Variants in TCF4 observed in about 807,000 individuals in gnomAD.
TCF4 encodes transcription factor 4.
Under a neutral mutation model 82.1 loss-of-function variants are expected in TCF4, and 3 were observed. The observed-to-expected ratio is 0.04, with a 90% confidence interval of 0.02 to 0.09. TCF4 has a LOEUF of 0.09. Among genes scored for constraint, TCF4 ranks in the 10% least tolerant of loss-of-function variants. The pLI, the probability that TCF4 is intolerant of heterozygous loss-of-function variation, is 1.00. For missense variants in TCF4, 518 were observed against 852.7 expected, an observed-to-expected ratio of 0.61 and a Z score of 4.89; for synonymous variants, 276 against 309.6, an observed-to-expected ratio of 0.89 and a Z score of 1.14.
At chr18:55,274,444 C>T (rs973012643) in intron 10 of TCF4, among the ~76,000 whole-genome samples, 14 of 152,076 alleles carry the variant, frequency 9.2e-5, no homozygotes, top group Non-Finnish European at 1.5e-4. Flanking sequence ...CAACTAAATA[C>T]GGATTTTCAA....
rs1389991772 is a variant in TCF4, at chr18:55,605,931, AG to A, written c.287-18796del. Among the ~76,000 whole-genome samples the A allele has an allele frequency of 3.9e-5, 6 of 152,368 alleles. No homozygotes were observed. In the East Asian group the frequency reaches 1.2e-3, roughly 29 times the overall value. ...AAGTGGTTCTCAGACCAATTGTGTCAGTATCAGCTGTGAACTTATTAGAAAT... is the reference window on the plus strand; with the variant it reads ...AAGTGGTTCTCAGACCAATTGTGTCATATCAGCTGTGAACTTATTAGAAAT... On this transcript the variant is annotated intron_variant, in intron 2 of 20. Coordinates refer to the TCF4 transcript ENST00000398339.
chr18:55,350,685 T>C (rs959691465), intron 7 of TCF4, among the ~76,000 whole-genome samples, 189 bp downstream of exon 7: 1 of 151,880 alleles, frequency 6.6e-6, no homozygotes, highest in Non-Finnish European at 1.5e-5. Context: ...AAAAAAGTTC[T>C]GCTACCATAA....
At chr18:55,624,960 G>T (rs2147993882) in intron 2 of TCF4, among the ~76,000 whole-genome samples, 1 of 152,234 alleles carries the variant, frequency 6.6e-6, no homozygotes, top group Non-Finnish European at 1.5e-5. Context: ...GTCTTGGAAT[G>T]ACTCCTATAA....
At chr18:55,243,021 C>T (rs2051835035) in intron 15 of TCF4, among the ~76,000 whole-genome samples, 1 of 152,116 alleles carries the variant, frequency 6.6e-6, no homozygotes, top group African/African-American at 2.4e-5. Context: ...AAGTCATACC[C>T]GTTTAGGAAA....
chr18:55,358,093 T>C (rs777466291), intron 6 of TCF4, among the ~76,000 whole-genome samples: 23 of 152,342 alleles, frequency 1.5e-4, no homozygotes, highest in Non-Finnish European at 2.8e-4. Flanking sequence ...CAAGAGTATA[T>C]GGCGTAAAGG....
intron 3 of TCF4, among the ~76,000 whole-genome samples, chr18:55,552,169 A>G (rs1488930365): frequency 6.6e-6 from 1 of 152,190 alleles, no homozygotes; most frequent in Non-Finnish European, 1.5e-5. Context: ...ACTACAGTGT[A>G]TGCTTCATGA....
At chr18:55,319,608 C>T (rs1158509952) in intron 8 of TCF4, among the ~76,000 whole-genome samples, 4 of 151,768 alleles carry the variant, frequency 2.6e-5, no homozygotes, top group Admixed American at 6.6e-5. Context: ...TTTTAATAAA[C>T]GCCTTAAAAC....
At chr18:55,617,811 C>CTGTGTGTG (rs74182107) in intron 2 of TCF4, among the ~76,000 whole-genome samples, 5,985 of 140,602 alleles carry the variant, frequency 0.043, 173 homozygotes, top group African/African-American at 0.069. Flanking sequence ...TTAATTCTAA[C>CTGTGTGTG]TGTGTGTGTG....
At chr18:55,579,753 C>T (rs745767341) in intron 3 of TCF4, among the ~76,000 whole-genome samples, 51 of 151,918 alleles carry the variant, frequency 3.4e-4, no homozygotes, top group Non-Finnish European at 4.7e-4. Context: ...ATGACTTGGA[C>T]GAGGTTGCAA....
chr18:55,586,959 G>T, intron 2 of TCF4, 86 bp downstream of exon 2: 1 of 1,189,278 alleles, frequency 8.4e-7, no homozygotes, highest in South Asian at 1.2e-5. Flanking sequence ...CTGTCCTTTA[G>T]ATTCCTACTG....
intron 6 of TCF4, among the ~76,000 whole-genome samples, chr18:55,395,845 T>C (rs1264738596): frequency 6.6e-6 from 1 of 152,236 alleles, no homozygotes; most frequent in Non-Finnish European, 1.5e-5. Flanking sequence ...CCCCAGCCTT[T>C]TCACAGGAAA....
intron 3 of TCF4, among the ~76,000 whole-genome samples, chr18:55,520,290 T>G (rs936782983): frequency 1.3e-5 from 2 of 152,136 alleles, no homozygotes; most frequent in Non-Finnish European, 2.9e-5. Flanking sequence ...AAATAAAGCT[T>G]GTCTATAAAC....
At chr18:55,243,868 A>G (rs1221616936) in intron 15 of TCF4, among the ~76,000 whole-genome samples, 1 of 152,114 alleles carries the variant, frequency 6.6e-6, no homozygotes, top group Admixed American at 6.5e-5. Context: ...ACGTTCACCC[A>G]TTTCTCTGTC....
At chr18:55,347,165 A>G (rs115562863) in intron 8 of TCF4, among the ~76,000 whole-genome samples, 1,906 of 152,290 alleles carry the variant, frequency 0.013, 44 homozygotes, top group African/African-American at 0.043. Context: ...TGACATCAAC[A>G]AAAGACAACA....
chr18:55,321,610 G>A, intron 8 of TCF4: 1 of 1,535,696 alleles, frequency 6.5e-7, no homozygotes, highest in South Asian at 1.2e-5. Context: ...CACCTAGGAT[G>A]CTCATCCCTG....
chr18:55,262,177 A>T (rs1426020236), intron 11 of TCF4, among the ~76,000 whole-genome samples: 1 of 152,254 alleles, frequency 6.6e-6, no homozygotes, highest in Non-Finnish European at 1.5e-5. Flanking sequence ...AGATAAAGTA[A>T]GTCTACATAT....
intron 3 of TCF4, among the ~76,000 whole-genome samples, chr18:55,513,345 T>A (rs554625782): frequency 1.2e-4 from 18 of 148,932 alleles, no homozygotes; most frequent in African/African-American, 3.5e-4. Context: ...CCTCTACTCA[T>A]GTCTTATCAT....
At chr18:55,343,805 A>G (rs2080547558) in intron 8 of TCF4, among the ~76,000 whole-genome samples, 1 of 152,166 alleles carries the variant, frequency 6.6e-6, no homozygotes, top group African/African-American at 2.4e-5. Context: ...ACCACATTGT[A>G]TAAAAGCTCC....
At chr18:55,558,954 T>C (rs762125969) in intron 3 of TCF4, among the ~76,000 whole-genome samples, 1 of 151,544 alleles carries the variant, frequency 6.6e-6, no homozygotes, top group East Asian at 1.9e-4. Flanking sequence ...TTGAGAAATA[T>C]GGCAGTAAAG....
Sources: allele counts gnomAD v4.1 joint callset (sites outside exome capture counted in the v4.1 genomes callset), GRCh38; gene constraint gnomAD v4.1.1; transcripts MANE v1.5; gene names NCBI Gene and HGNC (gene_info 2026-07-23, HGNC 2026-07-21).